The following XKR6 variants were observed in gnomAD, a reference collection of about 807,000 sequenced individuals.
XKR6 encodes XK-related protein 6.
Under a neutral mutation model 56.7 loss-of-function variants are expected in XKR6, and 22 were observed. The ratio of observed to expected loss-of-function variants is 0.39; its 90% CI spans 0.28 to 0.55. The LOEUF is 0.55. XKR6 is among the 20% of genes least tolerant of loss of function. XKR6 has a pLI of 0.66. For synonymous variants in XKR6, 524 were observed against 387.8 expected (o/e 1.35, Z -4.13); for missense variants, 852 against 889.0 (o/e 0.96, Z 0.53).
rs528245357 is a variant in XKR6 at position 11,059,270 on chromosome 8, T to G, written c.765-134440A>C. 4.6e-5 allele frequency among the ~76,000 whole-genome samples: 7 copies of G among 152,050 alleles called. No individual in the cohort carries two copies. The South Asian group carries it at 1.5e-3, about 32-fold the overall frequency. On this transcript the variant is annotated intron_variant, in intron 1 of 2. Transcript: ENST00000416569. ...GTGTAGGCCGGGCCCAGCGCGGTCC[T>G]GGCGCCTCAGAAATCTTTGTTGAGC...
At chr8:11,198,121 AAC>A (rs1305813395) in intron 1 of XKR6, among the ~76,000 whole-genome samples, 1 of 152,190 alleles carries the variant, frequency 6.6e-6, no homozygotes, top group Non-Finnish European at 1.5e-5. Context: ...CTTCAATAAA[AAC>A]AGAGATGATG....
chr8:11,025,928 C>T (rs1288078940), intron 1 of XKR6, among the ~76,000 whole-genome samples: 1 of 152,116 alleles, frequency 6.6e-6, no homozygotes, highest in Non-Finnish European at 1.5e-5. Flanking sequence ...GTTAAATACA[C>T]ATGAGATATC....
chr8:11,058,529 C>T (rs1436884003), intron 1 of XKR6, among the ~76,000 whole-genome samples: 1 of 152,174 alleles, frequency 6.6e-6, no homozygotes, highest in African/African-American at 2.4e-5. Context: ...GAATTCATGT[C>T]CTTTGCAGGA....
At chr8:10,988,689 G>A (rs1008600916) in intron 1 of XKR6, among the ~76,000 whole-genome samples, 5 of 152,180 alleles carry the variant, frequency 3.3e-5, no homozygotes, top group African/African-American at 1.2e-4. Context: ...GGAGAATGAA[G>A]GTATCACAGT....
intron 1 of XKR6, among the ~76,000 whole-genome samples, chr8:11,051,980 G>A (rs1471810931): frequency 6.6e-6 from 1 of 152,184 alleles, no homozygotes; most frequent in Non-Finnish European, 1.5e-5. Context: ...GTGCCATGGT[G>A]GTTTGCTGCA....
intron 1 of XKR6, chr8:11,108,987 G>C (rs767564192): frequency 6.6e-6 from 1 of 152,238 alleles, no homozygotes; most frequent in Non-Finnish European, 1.5e-5. Flanking sequence ...TATGTATTTA[G>C]TGCACCTGAA....
At chr8:11,011,407 G>T (rs1323153163) in intron 1 of XKR6, among the ~76,000 whole-genome samples, 1 of 152,234 alleles carries the variant, frequency 6.6e-6, no homozygotes, top group Admixed American at 6.5e-5. Flanking sequence ...CACAGCGGAC[G>T]AGGCTGGAAA....
At chr8:11,097,170 G>T (rs1216734960) in intron 1 of XKR6, among the ~76,000 whole-genome samples, 4 of 152,184 alleles carry the variant, frequency 2.6e-5, no homozygotes, top group African/African-American at 9.7e-5. Context: ...TATAGACTTT[G>T]TCTCCTTAGC....
Position 11,012,834 on chromosome 8 carries a change from AT to A in XKR6, c.765-88005del, listed in dbSNP as rs375089757. On this transcript the variant is annotated intron_variant, in intron 1 of 2. Coordinates refer to ENST00000416569, the MANE Select transcript of XKR6 (RefSeq NM_173683.4). ...GTCAGGCCATGTCTAATCAATGGCC[AT>A]AATAAATGCAACTCCATTCTAACAA... Among the ~76,000 whole-genome samples the A allele has an allele frequency of 8.4e-3, 1,276 of 152,342 alleles. 17 individuals are homozygous for A. Among genetic ancestry groups the A allele is most frequent in the African/African-American group, 0.029 (1,199 of 41,586 alleles).
At chr8:11,193,609 T>A (rs1481616786) in intron 1 of XKR6, among the ~76,000 whole-genome samples, 1 of 152,060 alleles carries the variant, frequency 6.6e-6, no homozygotes, top group African/African-American at 2.4e-5. Context: ...TTAACAGAAT[T>A]ATTTCCTAAA....
At chr8:11,088,496 T>C (rs1454020177) in intron 1 of XKR6, among the ~76,000 whole-genome samples, 1 of 152,210 alleles carries the variant, frequency 6.6e-6, no homozygotes, top group East Asian at 1.9e-4. Context: ...GGCAAAATCA[T>C]ACCTGAAGTA....
rs567782848 is a variant in XKR6, at chr8:11,192,370, C to T, written c.764+8206G>A. ...GACACCATGTTAGCCAGGATGGTCT[C>T]GATCTCCTGACCTCGTGATCCATCC... On this transcript the variant is annotated intron_variant, in intron 1 of 2. Coordinates refer to ENST00000416569, the MANE Select transcript of XKR6 (RefSeq NM_173683.4). Among the ~76,000 whole-genome samples the T allele has an allele frequency of 5.3e-5, 8 of 152,134 alleles. No homozygotes were observed. The East Asian group carries it at 1.2e-3, about 22-fold the overall frequency.
At chr8:10,928,737 A>G (rs1411275413) in intron 1 of XKR6, among the ~76,000 whole-genome samples, 2 of 152,172 alleles carry the variant, frequency 1.3e-5, no homozygotes, top group Non-Finnish European at 2.9e-5. Context: ...GGGGGAACCA[A>G]GGCAGGAGAC....
chr8:11,184,251 G>C (rs1033729722), intron 1 of XKR6, among the ~76,000 whole-genome samples: 1 of 152,040 alleles, frequency 6.6e-6, no homozygotes, highest in African/African-American at 2.4e-5. Context: ...ACAGATTTTG[G>C]CTTTTTAAGA....
chr8:11,076,651 G>A (rs896165484), intron 1 of XKR6, among the ~76,000 whole-genome samples: 5 of 152,200 alleles, frequency 3.3e-5, no homozygotes, highest in Non-Finnish European at 1.5e-5. Flanking sequence ...CCCCAGCACA[G>A]GGCAGGCCCC....
At chr8:10,984,728 C>CTATATATATATATATATATA (rs1176002840) in intron 1 of XKR6, among the ~76,000 whole-genome samples, 1 of 66,868 alleles carries the variant, frequency 1.5e-5, no homozygotes, top group Non-Finnish European at 3.3e-5. Context: ...CTCTCTCTCT[C>CTATATATATATATATATATA]TCTCTATATA....
intron 1 of XKR6, among the ~76,000 whole-genome samples, chr8:11,079,640 G>C (rs1207206098): frequency 1.3e-5 from 2 of 152,220 alleles, no homozygotes; most frequent in African/African-American, 4.8e-5. Context: ...AATTGTGTTA[G>C]AAAGACCAGG....
chr8:11,070,167 G>C (rs1426107800), intron 1 of XKR6, among the ~76,000 whole-genome samples: 1 of 152,204 alleles, frequency 6.6e-6, no homozygotes. Context: ...TGGAGGACAA[G>C]AGTCTTTCAT....
At chr8:10,967,128 T>C (rs1802249522) in intron 1 of XKR6, among the ~76,000 whole-genome samples, 1 of 152,212 alleles carries the variant, frequency 6.6e-6, no homozygotes, top group Non-Finnish European at 1.5e-5. Context: ...TGACAGTGCG[T>C]GATCCTCGGA....
Sources: gnomAD v4.1 joint callset for allele counts (sites outside exome capture counted in the v4.1 genomes callset) on GRCh38, gnomAD v4.1.1 for gene constraint, MANE v1.5 for transcripts, NCBI Gene and HGNC (gene_info 2026-07-23, HGNC 2026-07-21) for gene names.